The following CRAT variants were observed in gnomAD, a reference collection of about 807,000 sequenced individuals.
CRAT encodes carnitine O-acetyltransferase.
In CRAT, 66 loss-of-function variants were observed where a neutral mutation model predicts 73.7. That is an observed-to-expected ratio of 0.90 (90% confidence interval 0.73 to 1.10). CRAT has a LOEUF of 1.10. Among genes scored for constraint, CRAT ranks in the 50% least tolerant of loss-of-function variants. The pLI is 0.00. For synonymous variants in CRAT, 321 were observed against 343.2 expected (o/e 0.94, Z 0.71); for missense variants, 745 against 846.9 (o/e 0.88, Z 1.49).
rs1297418519 is a variant in CRAT, at chr9:129,101,942, C to T, written c.746G>A (p.Gly249Asp). ...GTTGCGGTGGTTGGAGGTGAGGATGCCCACAGGCTCCTTGTTGGTCTGTAG... is the reference window on the plus strand; with the variant it reads ...GTTGCGGTGGTTGGAGGTGAGGATGTCCACAGGCTCCTTGTTGGTCTGTAG... ...SSLQTNKEPV[G>D]ILTSNHRNSW... Residue 249 changes from glycine (G) to aspartate (D), a missense_variant, in exon 6 of 14, where the codon GGC becomes GAC. Coordinates refer to ENST00000318080, the MANE Select transcript of CRAT (RefSeq NM_000755.5). 5.0e-6 allele frequency: 8 copies of T among 1,614,010 alleles called. No individual in the cohort carries two copies. The highest frequency in any genetic ancestry group is 6.8e-6 in the Non-Finnish European group (8 of 1,180,020).
Position 129,098,322 on chromosome 9 carries a change from T to C in CRAT, c.1255A>G (p.Lys419Glu). The part of the protein sequence containing the change: ...ITVMVFHHFG[K>E]DFPKSEKLSP... ...AGCTTCTCCGACTTGGGGAAGTCTT[T>C]TCCAAAATGGTGGAACACCATCACG... The change falls in exon 10 of 14, where the codon AAA (lysine) becomes GAA (glutamate). Residue 419 changes from lysine to glutamate, a missense_variant. By Grantham distance (56) the Lys-to-Glu change is moderately conservative. Coordinates refer to ENST00000318080, the MANE Select transcript of CRAT (RefSeq NM_000755.5). The C allele has an allele frequency of 6.2e-7, 1 of 1,614,022 alleles. No homozygotes were observed. The highest frequency in any genetic ancestry group is 1.1e-5 in the South Asian group (1 of 91,084).
intron 1 of CRAT, among the ~76,000 whole-genome samples, chr9:129,109,547 C>T (rs1222312160): frequency 1.3e-5 from 2 of 152,226 alleles, no homozygotes; most frequent in Non-Finnish European, 2.9e-5. Context: ...GGGCAAGTCC[C>T]TCCTTGCCTC....
chr9:129,108,046 G>A lies in CRAT; in HGVS notation c.59C>T (p.Ser20Phe), dbSNP rs376846623. The A allele has an allele frequency of 2.0e-6, 3 of 1,535,864 alleles. No individual in the cohort carries two copies. The highest frequency in any genetic ancestry group is 2.6e-6 in the Non-Finnish European group (3 of 1,145,260). Residue 20 changes from serine (S) to phenylalanine (F), a missense_variant, in exon 2 of 14, where the codon TCC (serine) becomes TTC (phenylalanine). Physicochemically the swap from Ser to Phe is radical, Grantham distance 155 (BLOSUM62 -2). Transcript: ENST00000318080. ...VKPLGFLKPF[S>F]LMKASSRFKA... is the part of the protein sequence containing the mutation. ...GAAGCGGCTGGAAGCCTTCATCAAG[G>A]AGAAGGGCTTCAGGAAGCCCAGAGG...
Position 129,097,996 on chromosome 9 carries a change from C to T in CRAT, c.1464+17G>A, listed in dbSNP as rs778155850. 34 of 1,610,228 alleles carry T rather than the reference C, an allele frequency of 2.1e-5. No individual in the cohort carries two copies. Among genetic ancestry groups the T allele is most frequent in the South Asian group, 3.3e-5 (3 of 91,002 alleles). ...GGCTCAGGCCCAGCTCACCCACCCT[C>T]GCCCCAGACCTCTCACCGTGACGCT... On this transcript the variant is annotated intron_variant, in intron 11 of 13. Transcript: ENST00000318080.
intron 5 of CRAT, 131 bp from the exon 6 acceptor site, chr9:129,102,188 G>C: frequency 8.3e-7 from 1 of 1,203,574 alleles, no homozygotes; most frequent in Non-Finnish European, 1.2e-6. Flanking sequence ...GGGTGAGAGG[G>C]GGAGGAGGTC....
intron 5 of CRAT, 112 bp downstream of exon 5, chr9:129,102,288 G>T: frequency 6.9e-7 from 1 of 1,451,432 alleles, no homozygotes; most frequent in Non-Finnish European, 9.5e-7. Context: ...CCCATTCCTG[G>T]GGCACGTGGG....
In CRAT at chr9:129,102,382, T is replaced by G; in HGVS notation, c.630+18A>C. ...GCAGCAGGGCCGGGGCTTGTAGGTG[T>G]GGGTGGGGGCCACCCACCTGGTAGT... On this transcript the variant is annotated intron_variant, in intron 5 of 13. Transcript: ENST00000318080. 6.2e-7 allele frequency: 1 copy of G among 1,613,824 alleles called. No individual in the cohort carries two copies. The highest frequency in any genetic ancestry group is 8.5e-7 in the Non-Finnish European group (1 of 1,179,816).
intron 6 of CRAT, among the ~76,000 whole-genome samples, chr9:129,101,374 G>T (rs1847662792): frequency 6.6e-6 from 1 of 152,176 alleles, no homozygotes; most frequent in Admixed American, 6.5e-5. Context: ...CACGGAGGAG[G>T]AAAGCCTACT....
rs1848036649 is a variant in CRAT, at chr9:129,106,701, T to G, written c.291+1113A>C. Among the ~76,000 whole-genome samples, 1 of 152,168 alleles carries G rather than the reference T, an allele frequency of 6.6e-6. No homozygotes were observed. Among genetic ancestry groups the G allele is most frequent in the Non-Finnish European group, 1.5e-5 (1 of 68,016 alleles). ...ATGTTGACAACTCCCACCTCCTGTG[T>G]GCAGCCCCACAGCCTCCGCCAAGCC... On this transcript the variant is annotated intron_variant, in intron 2 of 13. Transcript: ENST00000318080. This position sits in a 1 kb window ranked among gnomAD's most constrained non-coding sequence, Gnocchi z 4.0.
intron 2 of CRAT, among the ~76,000 whole-genome samples, chr9:129,105,848 C>T (rs976827678): frequency 6.6e-6 from 1 of 152,084 alleles, no homozygotes; most frequent in Non-Finnish European, 1.5e-5. Flanking sequence ...TCTGTCCTCT[C>T]TCTGGGGGGT....
chr9:129,108,918 C>A, intron 1 of CRAT: 1 of 1,277,000 alleles, frequency 7.8e-7, no homozygotes, highest in Non-Finnish European at 1.0e-6. Flanking sequence ...AAAGAGAAGA[C>A]AAGAGCCAAG....
At chr9:129,100,914 C>T (rs540003901) in intron 6 of CRAT, among the ~76,000 whole-genome samples, 38 of 152,312 alleles carry the variant, frequency 2.5e-4, no homozygotes, top group East Asian at 1.9e-4. Flanking sequence ...CAGCACTCCT[C>T]GAGGCAGGGC....
At position 129,106,918 on chromosome 9, in the gene CRAT, C is replaced by T. The variant is rs1848052564; in HGVS notation, c.291+896G>A. On this transcript the variant is annotated intron_variant, in intron 2 of 13. Coordinates refer to ENST00000318080, the MANE Select transcript of CRAT (RefSeq NM_000755.5). This position sits in a 1 kb window ranked among gnomAD's most constrained non-coding sequence, Gnocchi z 4.0. ...GCCTCCAAAACAGTCCTGGACCTAA[C>T]GACTCTCCCTCTCTCCCATCCGGTG... Among the ~76,000 whole-genome samples the T allele has an allele frequency of 6.6e-6, 1 of 152,184 alleles. No individual in the cohort carries two copies. Among genetic ancestry groups the T allele is most frequent in the African/African-American group, 2.4e-5 (1 of 41,434 alleles).
intron 1 of CRAT, 100 bp from the exon 2 acceptor site, chr9:129,108,177 G>A: frequency 8.6e-6 from 12 of 1,402,882 alleles, no homozygotes; most frequent in South Asian, 3.2e-5. Context: ...ATCCCTGGGG[G>A]CAGAGACGGC....
chr9:129,110,545 G>A lies in CRAT; in HGVS notation c.-36C>T. 1 of 1,567,944 alleles carries A rather than the reference G, an allele frequency of 6.4e-7. No homozygotes were observed. The highest frequency in any genetic ancestry group is 8.6e-7 in the Non-Finnish European group (1 of 1,164,142). On this transcript the variant is annotated 5_prime_UTR_variant, in exon 1 of 14. Coordinates refer to ENST00000318080, the MANE Select transcript of CRAT (RefSeq NM_000755.5). This position sits in a 1 kb window ranked among gnomAD's most constrained non-coding sequence, Gnocchi z 5.3. ...CGTCCGCGGACACGCAGTCCGCTCC[G>A]CCCCACACACCGGGCAAAGTCCGCG...
chr9:129,110,438 C>T lies in CRAT; in HGVS notation c.27+45G>A, dbSNP rs1848353411. On this transcript the variant is annotated intron_variant, in intron 1 of 13. Transcript: ENST00000318080. The surrounding 1 kb of genome is among the most constrained non-coding windows in gnomAD (Gnocchi z 5.3). ...TTCCCGGACGCAACCGCACGGCCCGCCCAGGCCGTCCAGGGCCCTCAGGCC... is the reference window on the plus strand; with the variant it reads ...TTCCCGGACGCAACCGCACGGCCCGTCCAGGCCGTCCAGGGCCCTCAGGCC... The T allele has an allele frequency of 4.6e-6, 7 of 1,531,980 alleles. No homozygotes were observed. The African/African-American group carries it at 5.7e-5, about 12-fold the overall frequency. 94.9% of individuals were successfully genotyped at this position (1,531,980 alleles called of 1,614,324 possible). A position where few individuals can be genotyped will look rare whatever the true frequency, so the allele number is the denominator to read the frequency against.
At chr9:129,105,009 TCCTGCCTCAG>T (rs1847928270) in intron 2 of CRAT, among the ~76,000 whole-genome samples, 1 of 149,270 alleles carries the variant, frequency 6.7e-6, no homozygotes, top group South Asian at 2.2e-4. Context: ...CACGCCATTC[TCCTGCCTCAG>T]CCTCCTGAGT....
At position 129,098,163 on chromosome 9, in the gene CRAT, G is replaced by C. The variant is rs1372398284; in HGVS notation, c.1329-15C>G. The C allele has an allele frequency of 6.2e-7, 1 of 1,613,600 alleles. No homozygotes were observed. Among genetic ancestry groups the C allele is most frequent in the Admixed American group, 1.7e-5 (1 of 60,030 alleles). On this transcript the variant is annotated splice_polypyrimidine_tract_variant and intron_variant, in intron 10 of 13. Coordinates refer to ENST00000318080, the MANE Select transcript of CRAT (RefSeq NM_000755.5). Reference sequence around the variant, plus strand: ...GTCCGTAGATCCTGGTGGGAAATGGGGCTAAGCACGCCCCTTGGAGGCGGG... The same window carrying C: ...GTCCGTAGATCCTGGTGGGAAATGGCGCTAAGCACGCCCCTTGGAGGCGGG...
In CRAT at chr9:129,107,708, C is replaced by G. The variant is rs774098623; in HGVS notation, c.291+106G>C. On this transcript the variant is annotated intron_variant, in intron 2 of 13. Coordinates refer to ENST00000318080, the MANE Select transcript of CRAT (RefSeq NM_000755.5). This position sits in a 1 kb window ranked among gnomAD's most constrained non-coding sequence, Gnocchi z 5.0. ...AAGTGCCAGACACAGAGTATGTGCTCACGAAACTCTGGGCAGCAAACGAAC... is the reference window on the plus strand; with the variant it reads ...AAGTGCCAGACACAGAGTATGTGCTGACGAAACTCTGGGCAGCAAACGAAC... The G allele has an allele frequency of 9.2e-6, 14 of 1,523,340 alleles. No homozygotes were observed. The African/African-American group carries it at 1.9e-4, about 21-fold the overall frequency. The allele number at this position is 1,523,340 out of a possible 1,614,324, so 94.4% of individuals were successfully genotyped here. A position where few individuals can be genotyped will look rare whatever the true frequency, so the allele number is the denominator to read the frequency against.
Sources: allele counts gnomAD v4.1 joint callset (sites outside exome capture counted in the v4.1 genomes callset), GRCh38; gene constraint gnomAD v4.1.1; non-coding constraint Gnocchi (gnomAD v3.1); transcripts MANE v1.5; gene names NCBI Gene and HGNC (gene_info 2026-07-23, HGNC 2026-07-21).